Variants in ZNF385D observed in about 807,000 individuals in gnomAD.
ZNF385D encodes zinc finger protein 659.
A neutral mutation model predicts 35.8 loss-of-function variants in ZNF385D; 15 were observed. That is an observed-to-expected ratio of 0.42 (90% confidence interval 0.28 to 0.64). The LOEUF is 0.64. Ranked by LOEUF, ZNF385D falls within the 30% of genes least tolerant of loss-of-function variation. ZNF385D has a pLI of 0.23. For synonymous variants in ZNF385D, 212 were observed against 186.8 expected, an observed-to-expected ratio of 1.13 and a Z score of -1.10; for missense variants, 474 against 494.6, an observed-to-expected ratio of 0.96 and a Z score of 0.39.
rs182801974 is a variant in ZNF385D, at chr3:21,882,204, A to G, written c.326-217176T>C. Among the ~76,000 whole-genome samples the G allele has an allele frequency of 6.0e-4, 92 of 152,160 alleles. No individual in the cohort carries two copies. The East Asian group carries it at 0.016, about 27-fold the overall frequency. On this transcript the variant is annotated intron_variant, in intron 3 of 5. Transcript: ENST00000494108. ...GCTATCAAACAGCATTGCATGCTAC[A>G]GAGAAATCTTTTGTGAAAAGAAAAT...
chr3:21,692,714 A>G (rs1360423880), intron 1 of ZNF385D, among the ~76,000 whole-genome samples: 1 of 152,184 alleles, frequency 6.6e-6, no homozygotes, highest in Non-Finnish European at 1.5e-5. Context: ...GTCTTCCTAT[A>G]TTCTCCTTAG....
At chr3:21,661,797 C>G (rs2066244562) in intron 2 of ZNF385D, among the ~76,000 whole-genome samples, 1 of 152,112 alleles carries the variant, frequency 6.6e-6, no homozygotes, top group African/African-American at 2.4e-5. Flanking sequence ...ATACCTATAA[C>G]TCAGCTCTGA....
At chr3:21,871,535 A>G (rs1697690315) in intron 3 of ZNF385D, among the ~76,000 whole-genome samples, 1 of 152,172 alleles carries the variant, frequency 6.6e-6, no homozygotes, top group African/African-American at 2.4e-5. Context: ...TAGGTACTCA[A>G]TAAATAACTG....
chr3:21,846,253 C>T (rs1696000585), intron 3 of ZNF385D, among the ~76,000 whole-genome samples: 1 of 152,002 alleles, frequency 6.6e-6, no homozygotes, highest in Admixed American at 6.6e-5. Flanking sequence ...TCTAGTTGCT[C>T]AGTTCTAATA....
intron 3 of ZNF385D, among the ~76,000 whole-genome samples, chr3:21,512,845 C>T (rs931723253): frequency 2.0e-5 from 3 of 152,100 alleles, no homozygotes; most frequent in African/African-American, 4.8e-5. Context: ...CATTTGAGAA[C>T]GATATGCTAT....
chr3:21,811,083 A>G (rs2072901680), intron 3 of ZNF385D, among the ~76,000 whole-genome samples: 1 of 151,954 alleles, frequency 6.6e-6, no homozygotes, highest in Non-Finnish European at 1.5e-5. Flanking sequence ...TATAAAGAAA[A>G]GAGATACAAA....
intron 3 of ZNF385D, among the ~76,000 whole-genome samples, chr3:21,825,306 C>T (rs1198368272): frequency 1.3e-5 from 2 of 152,162 alleles, no homozygotes; most frequent in Non-Finnish European, 2.9e-5. Context: ...TGTTTTCTTA[C>T]CTACAGTATT....
intron 1 of ZNF385D, among the ~76,000 whole-genome samples, chr3:21,723,274 A>G (rs540195218): frequency 1.3e-5 from 2 of 152,226 alleles, no homozygotes; most frequent in African/African-American, 2.4e-5. Context: ...CTCGCCAGCA[A>G]GGAAACAAAA....
In ZNF385D at chr3:22,125,767, T is replaced by G. The variant is rs147946121; in HGVS notation, c.325+43050A>C. Among the ~76,000 whole-genome samples the G allele has an allele frequency of 6.3e-4, 96 of 152,256 alleles. 1 individual carries two copies. The highest frequency in any genetic ancestry group is 2.0e-3 in the African/African-American group (85 of 41,592). On this transcript the variant is annotated intron_variant, in intron 3 of 5. Coordinates refer to the ZNF385D transcript ENST00000494108. ...TGCTAATGATTTTTGTATGTTGATTTTGTATCCTGCAACTTAACTGAATTT... is the reference window on the plus strand; with the variant it reads ...TGCTAATGATTTTTGTATGTTGATTGTGTATCCTGCAACTTAACTGAATTT...
intron 3 of ZNF385D, among the ~76,000 whole-genome samples, chr3:21,863,951 C>A (rs981757403): frequency 6.6e-6 from 1 of 152,140 alleles, no homozygotes; most frequent in African/African-American, 2.4e-5. Flanking sequence ...TTCAGCAAAT[C>A]TGGGGAAGAT....
At chr3:21,583,197 A>C (rs762058391) in intron 2 of ZNF385D, among the ~76,000 whole-genome samples, 2 of 152,174 alleles carry the variant, frequency 1.3e-5, no homozygotes, top group Non-Finnish European at 2.9e-5. Flanking sequence ...CGAAAATATA[A>C]ACTGTAACCA....
At chr3:21,610,508 C>T (rs755581924) in intron 2 of ZNF385D, among the ~76,000 whole-genome samples, 13 of 152,166 alleles carry the variant, frequency 8.5e-5, no homozygotes, top group East Asian at 7.8e-4. Flanking sequence ...CGGTGGCTCA[C>T]GCCTGTAATC....
intron 3 of ZNF385D, among the ~76,000 whole-genome samples, chr3:22,130,511 G>C (rs1294569581): frequency 6.6e-6 from 1 of 152,098 alleles, no homozygotes; most frequent in Non-Finnish European, 1.5e-5. Context: ...GGGTAGCGCT[G>C]GTCTAAATGC....
chr3:22,321,822 G>A (rs140337714), intron 2 of ZNF385D, among the ~76,000 whole-genome samples: 1,757 of 151,872 alleles, frequency 0.012, 21 homozygotes, highest in Non-Finnish European at 0.014. Context: ...TACTAAATAG[G>A]CAGATTTATT....
intron 2 of ZNF385D, among the ~76,000 whole-genome samples, chr3:22,179,149 G>T (rs1695042880): frequency 6.6e-6 from 1 of 152,130 alleles, no homozygotes; most frequent in Non-Finnish European, 1.5e-5. Flanking sequence ...GATGGGGATG[G>T]CATGGAATCT....
chr3:22,094,227 T>C (rs974720349), intron 3 of ZNF385D, among the ~76,000 whole-genome samples: 2 of 77,590 alleles, frequency 2.6e-5, no homozygotes, highest in Non-Finnish European at 6.0e-5. Flanking sequence ...TCAAGTAGCA[T>C]TTTTTTTTCA....
intron 3 of ZNF385D, among the ~76,000 whole-genome samples, chr3:22,016,919 GTCCA>G (rs1288813475): frequency 3.3e-5 from 5 of 150,014 alleles, no homozygotes; most frequent in Admixed American, 1.3e-4. Flanking sequence ...TATCTATCCT[GTCCA>G]TCCATCCATC....
At chr3:21,585,784 G>A (rs1175095134) in intron 2 of ZNF385D, among the ~76,000 whole-genome samples, 1 of 152,094 alleles carries the variant, frequency 6.6e-6, no homozygotes, top group Non-Finnish European at 1.5e-5. Flanking sequence ...AATCCACAAA[G>A]GAATACATTA....
chr3:21,670,150 T>C (rs2066520472), intron 1 of ZNF385D, among the ~76,000 whole-genome samples: 1 of 152,132 alleles, frequency 6.6e-6, no homozygotes. Flanking sequence ...TATATATTGA[T>C]AGAAAACAGC....
Sources: allele counts gnomAD v4.1 joint callset (sites outside exome capture counted in the v4.1 genomes callset), GRCh38; gene constraint gnomAD v4.1.1; transcripts MANE v1.5; gene names NCBI Gene and HGNC (gene_info 2026-07-23, HGNC 2026-07-21).